Variants in DUSP14 observed in about 807,000 individuals in gnomAD.
DUSP14 encodes dual specificity protein phosphatase 14.
In DUSP14, 5 loss-of-function variants were observed where a neutral mutation model predicts 13.2. The observed-to-expected ratio is 0.38, with a 90% confidence interval of 0.20 to 0.80. The LOEUF (loss-of-function observed/expected upper bound fraction) is 0.80. Ranked by LOEUF, DUSP14 falls within the 30% of genes least tolerant of loss-of-function variation. DUSP14 has a pLI of 0.44. For missense variants in DUSP14, 185 were observed against 264.0 expected, an observed-to-expected ratio of 0.70 and a Z score of 2.07; for synonymous variants, 91 against 103.4, an observed-to-expected ratio of 0.88 and a Z score of 0.73.
chr17:37,503,910 G>A (rs1407334144), intron 1 of DUSP14, among the ~76,000 whole-genome samples: 1 of 152,170 alleles, frequency 6.6e-6, no homozygotes, highest in Non-Finnish European at 1.5e-5. Context: ...CAGTGATGGG[G>A]CTGGGCGTGG....
At chr17:37,491,641 A>G (rs1177237206) in intron 1 of DUSP14, 2 of 152,180 alleles carry the variant, frequency 1.3e-5, no homozygotes, top group African/African-American at 4.8e-5. Context: ...TGAATTCTGT[A>G]ATAATAATTA....
intron 1 of DUSP14, among the ~76,000 whole-genome samples, chr17:37,502,322 C>T (rs1000324181): frequency 6.6e-6 from 1 of 151,722 alleles, no homozygotes; most frequent in Non-Finnish European, 1.5e-5. Context: ...GCTGGGACCA[C>T]AGGTGCACAT....
upstream of DUSP14, among the ~76,000 whole-genome samples, chr17:37,489,355 T>A (rs138672391): frequency 1.4e-3 from 210 of 152,126 alleles, 2 homozygotes; most frequent in South Asian, 6.8e-3. Flanking sequence ...CCGTACCTGT[T>A]CCAGCAAGCG....
chr17:37,498,676 G>GTTTTT (rs58904773), intron 1 of DUSP14, among the ~76,000 whole-genome samples: 3 of 145,656 alleles, frequency 2.1e-5, no homozygotes, highest in Non-Finnish European at 3.0e-5. Flanking sequence ...AAAGTAATCA[G>GTTTTT]TTTTTTTTTT....
intron 1 of DUSP14, among the ~76,000 whole-genome samples, chr17:37,500,142 G>A (rs979757725): frequency 5.9e-5 from 9 of 152,342 alleles, no homozygotes; most frequent in East Asian, 1.9e-4. Flanking sequence ...AAACTCTAGC[G>A]TGGTAATTAT....
At chr17:37,500,757 T>G (rs2054099090) in intron 1 of DUSP14, among the ~76,000 whole-genome samples, 1 of 152,200 alleles carries the variant, frequency 6.6e-6, no homozygotes, top group Non-Finnish European at 1.5e-5. Context: ...TTAAACAAGT[T>G]TAAATACAGC....
At chr17:37,509,164 CACACTCTA>C (rs200852230) in intron 1 of DUSP14, among the ~76,000 whole-genome samples, 1,950 of 51,882 alleles carry the variant, frequency 0.038, 185 homozygotes, top group Middle Eastern at 0.08. Flanking sequence ...CACACACACA[CACACTCTA>C]TATATATATG....
intron 1 of DUSP14, among the ~76,000 whole-genome samples, chr17:37,501,733 T>G (rs539402425): frequency 2.6e-5 from 4 of 152,238 alleles, no homozygotes; most frequent in African/African-American, 9.6e-5. Context: ...GCCAGGCTGG[T>G]CATGAACTCC....
intron 1 of DUSP14, among the ~76,000 whole-genome samples, chr17:37,507,419 C>T (rs942931753): frequency 2.0e-5 from 3 of 152,236 alleles, no homozygotes; most frequent in African/African-American, 7.2e-5. Flanking sequence ...CTACAGGGAA[C>T]CTGGGCTCCT....
At chr17:37,499,501 G>A (rs988599763) in intron 1 of DUSP14, among the ~76,000 whole-genome samples, 2 of 150,788 alleles carry the variant, frequency 1.3e-5, no homozygotes, top group Non-Finnish European at 3.0e-5. Context: ...CACCACACCC[G>A]ACCCTCTAGA....
At chr17:37,499,781 C>T (rs2054093572) in intron 1 of DUSP14, among the ~76,000 whole-genome samples, 1 of 151,932 alleles carries the variant, frequency 6.6e-6, no homozygotes, top group South Asian at 2.1e-4. Flanking sequence ...CCACTCACCT[C>T]GGCCTCCCAA....
Position 37,513,160 on chromosome 17 carries a change from T to C in DUSP14, c.*291T>C, listed in dbSNP as rs2054207932. 1 of 395,282 alleles carries C rather than the reference T, an allele frequency of 2.5e-6. No homozygotes were observed. The highest frequency in any genetic ancestry group is 4.7e-6 in the Non-Finnish European group (1 of 211,620). The allele number at this position is 395,282 out of a possible 1,614,324, so 24.5% of individuals were successfully genotyped here. A position where few individuals can be genotyped will look rare whatever the true frequency, so the allele number is the denominator to read the frequency against. Reference sequence around the variant, plus strand: ...AGTTTAATAAACTGGTTCTGCTCTCTTCTGAATCTCATGCCTTTGGCACCT... The same window carrying C: ...AGTTTAATAAACTGGTTCTGCTCTCCTCTGAATCTCATGCCTTTGGCACCT... On this transcript the variant is annotated 3_prime_UTR_variant, in exon 3 of 3. Coordinates refer to ENST00000617516, the MANE Select transcript of DUSP14 (RefSeq NM_007026.4).
chr17:37,496,805 A>C (rs907415576), intron 1 of DUSP14, among the ~76,000 whole-genome samples: 1 of 151,478 alleles, frequency 6.6e-6, no homozygotes, highest in East Asian at 2.0e-4. Context: ...AATCTCAGCT[A>C]CTTGGGAGAC....
intron 1 of DUSP14, among the ~76,000 whole-genome samples, chr17:37,493,265 GTTAGTACATT>G (rs1169352336): frequency 2.6e-5 from 4 of 152,072 alleles, no homozygotes; most frequent in African/African-American, 7.3e-5. Context: ...ACCCAGCCCA[GTTAGTACATT>G]TTTGTCTTAT....
chr17:37,512,840 C>G lies in DUSP14; in HGVS notation c.568C>G (p.Arg190Gly). The change falls in exon 3 of 3, where the codon CGA (arginine) becomes GGA (glycine). Residue 190 changes from arginine to glycine, a missense_variant. Coordinates refer to ENST00000617516, the MANE Select transcript of DUSP14 (RefSeq NM_007026.4). This position sits in a 1 kb window ranked among gnomAD's most constrained non-coding sequence, Gnocchi z 4.8. ...TCCCGACGTCTATGAGAAGGAGTCC[C>G]GACACCTGATGCCTTACTGGGGGAT... ...IVPDVYEKES[R>G]HLMPYWGI is the part of the protein sequence containing the mutation. 6.2e-7 allele frequency: 1 copy of G among 1,607,196 alleles called. No homozygotes were observed. Among genetic ancestry groups the G allele is most frequent in the Non-Finnish European group, 8.5e-7 (1 of 1,174,756 alleles).
At chr17:37,509,428 C>G in intron 1 of DUSP14, among the ~76,000 whole-genome samples, 1 of 149,616 alleles carries the variant, frequency 6.7e-6, no homozygotes, top group East Asian at 2.0e-4. Flanking sequence ...TCTAGTGATT[C>G]TCCTGCCTCA....
In DUSP14 at chr17:37,512,885, C is replaced by G. The variant is rs754723244; in HGVS notation, c.*16C>G. On this transcript the variant is annotated 3_prime_UTR_variant, in exon 3 of 3. Transcript: ENST00000617516. The surrounding 1 kb of genome is among the most constrained non-coding windows in gnomAD (Gnocchi z 4.8). ...GGGGATTTAGTGCCACTGAAGCCTG[C>G]GTCAGCAGCCCGAGCGGGGCCGGCA... is the stretch of plus-strand genomic sequence containing the variant. The G allele has an allele frequency of 6.3e-7, 1 of 1,582,422 alleles. No homozygotes were observed. Among genetic ancestry groups the G allele is most frequent in the Non-Finnish European group, 8.6e-7 (1 of 1,157,308 alleles).
chr17:37,502,280 C>T (rs966444789), intron 1 of DUSP14, among the ~76,000 whole-genome samples: 6 of 151,926 alleles, frequency 3.9e-5, no homozygotes, highest in African/African-American at 1.5e-4. Flanking sequence ...CTTCTGGACT[C>T]AAGCAATCCT....
rs115003028 is a variant in DUSP14, at chr17:37,501,865, C to T, written c.-180-8812C>T. On this transcript the variant is annotated intron_variant, in intron 1 of 2. Coordinates refer to ENST00000617516, the MANE Select transcript of DUSP14 (RefSeq NM_007026.4). ...ATGGGAGGAGAAAAAGCATGGTATA[C>T]AATCTATAAAACAACTCCCCAAGAA... Among the ~76,000 whole-genome samples the T allele has an allele frequency of 6.2e-3, 945 of 152,218 alleles. 13 individuals are homozygous for T. The highest frequency in any genetic ancestry group is 0.022 in the African/African-American group (898 of 41,550).
Sources: gnomAD v4.1 joint callset for allele counts (sites outside exome capture counted in the v4.1 genomes callset) on GRCh38, gnomAD v4.1.1 for gene constraint, Gnocchi (gnomAD v3.1) non-coding constraint, MANE v1.5 for transcripts, NCBI Gene and HGNC (gene_info 2026-07-23, HGNC 2026-07-21) for gene names.